Variants in HAPLN2 observed in about 807,000 individuals in gnomAD.
HAPLN2 encodes hyaluronan and proteoglycan link protein 2.
A neutral mutation model predicts 29.3 loss-of-function variants in HAPLN2; 27 were observed. That is an observed-to-expected ratio of 0.92 (90% CI 0.68 to 1.27). The LOEUF (loss-of-function observed/expected upper bound fraction) is 1.27. Ranked by LOEUF, HAPLN2 falls within the 50% of genes most tolerant of loss-of-function variation. HAPLN2 has a pLI of 0.00. For missense variants in HAPLN2, 454 were observed against 484.3 expected (o/e 0.94, Z 0.59); for synonymous variants, 208 against 211.7 (o/e 0.98, Z 0.15).
intron 2 of HAPLN2, among the ~76,000 whole-genome samples, chr1:156,621,138 T>A (rs1013998590): frequency 7.1e-6 from 1 of 140,618 alleles, no homozygotes; most frequent in Non-Finnish European, 1.5e-5. Context: ...AAGGTCTTGC[T>A]CTATCCCCTA....
rs752953926 is a variant in HAPLN2, at chr1:156,624,007, C to A, written c.286C>A (p.Pro96Thr). The A allele has an allele frequency of 3.7e-6, 6 of 1,610,022 alleles. No homozygotes were observed. The highest frequency in any genetic ancestry group is 5.1e-6 in the Non-Finnish European group (6 of 1,178,332). The change falls in exon 4 of 7, where the codon CCC becomes ACC. Residue 96 changes from proline (P) to threonine (T), a missense_variant. Pro to Thr is a conservative substitution (Grantham distance 38). This residue lies in a region of HAPLN2 where 204 missense variants were observed against 209.2 expected (regional missense o/e 0.98). Transcript: ENST00000255039. ...CGGACTGCACGCCCGGGGGTATGGG[C>A]CCCTGGGAGGGCGCGCCAGGATGCG... is the stretch of plus-strand genomic sequence containing the variant. Reference protein sequence around the residue: ...TNGLHARGYGPLGGRARMRRG... With the variant: ...TNGLHARGYGTLGGRARMRRG...
Position 156,623,792 on chromosome 1 carries a change from G to A in HAPLN2, c.86-15G>A, listed in dbSNP as rs1251515928. The A allele has an allele frequency of 2.0e-6, 3 of 1,484,768 alleles. No individual in the cohort carries two copies. The highest frequency in any genetic ancestry group is 2.8e-5 in the South Asian group (2 of 71,952). 92.0% of individuals were successfully genotyped at this position (1,484,768 alleles called of 1,614,324 possible). A position where few individuals can be genotyped will look rare whatever the true frequency, so the allele number is the denominator to read the frequency against. On this transcript the variant is annotated splice_polypyrimidine_tract_variant and intron_variant, in intron 3 of 6. Transcript: ENST00000255039. ...AGGATTGGGGGTTCCTGCCACTGTG[G>A]CCCCCTCTGCCCAGCATCCCACCCG...
the HAPLN2 span, among the ~76,000 whole-genome samples, chr1:156,603,323 G>T: frequency 6.6e-6 from 1 of 151,406 alleles, no homozygotes; most frequent in Admixed American, 6.6e-5. Flanking sequence ...CTGGGAGTAC[G>T]GGTGCATGCC....
the HAPLN2 span, among the ~76,000 whole-genome samples, chr1:156,603,921 C>A: frequency 6.6e-6 from 1 of 152,180 alleles, no homozygotes; most frequent in Non-Finnish European, 1.5e-5. Flanking sequence ...AGATGAGAAG[C>A]ATCTGACCCA....
Position 156,624,591 on chromosome 1 carries a change from C to A in HAPLN2, c.557-10C>A. 6.2e-7 allele frequency: 1 copy of A among 1,611,206 alleles called. No individual in the cohort carries two copies. Among genetic ancestry groups the A allele is most frequent in the South Asian group, 1.1e-5 (1 of 90,606 alleles). ...GCCTCTTATCCCCGACCTCCGCCGT[C>A]TCCCGCCAGCTTGGACCGAGGGTCT... On this transcript the variant is annotated splice_polypyrimidine_tract_variant and intron_variant, in intron 5 of 6. Transcript: ENST00000255039.
chr1:156,623,033 C>CAAAAA lies in HAPLN2; in HGVS notation c.-24-431_-24-427dup, dbSNP rs1207919606. Among the ~76,000 whole-genome samples the CAAAAA allele has an allele frequency of 1.0e-2, 440 of 44,136 alleles. 27 individuals carry two copies. Among genetic ancestry groups the CAAAAA allele is most frequent in the African/African-American group, 0.027 (400 of 14,734 alleles). The allele number at this position is 44,136 out of a possible 152,430, so 29.0% of individuals were successfully genotyped here. A position where few individuals can be genotyped will look rare whatever the true frequency, so the allele number is the denominator to read the frequency against. ...TGGACCATGGAGCAACACTCTGTCTCAAAAAAATAAATAAATAAATAAATA... is the reference window on the plus strand; with the variant it reads ...TGGACCATGGAGCAACACTCTGTCTCAAAAAAAAAAAATAAATAAATAAATAAATA... On this transcript the variant is annotated intron_variant, in intron 2 of 6. Coordinates refer to ENST00000255039, the MANE Select transcript of HAPLN2 (RefSeq NM_021817.3).
upstream of HAPLN2, among the ~76,000 whole-genome samples, chr1:156,616,193 CCA>C (rs2102518313): frequency 6.6e-6 from 1 of 152,224 alleles, no homozygotes; most frequent in East Asian, 1.9e-4. Context: ...AATCACTCCA[CCA>C]CACTCTGGTC....
Position 156,623,816 on chromosome 1 carries a change from C to T in HAPLN2, c.95C>T (p.Pro32Leu), listed in dbSNP as rs1678337844. ...GGCCCCCTCTGCCCAGCATCCCACC[C>T]GGGCCCCCACTACCTCCTGCCCCCC... is the stretch of plus-strand genomic sequence containing the variant. ...HKAQGDPASHPGPHYLLPPIH... is the reference protein window; with the variant it reads ...HKAQGDPASHLGPHYLLPPIH... The change falls in exon 4 of 7, where the codon CCG becomes CTG. Residue 32 changes from proline (P) to leucine (L), a missense_variant. Physicochemically the swap from Pro to Leu is moderately conservative, Grantham distance 98 (BLOSUM62 -3). This residue lies in a region of HAPLN2 where 204 missense variants were observed against 209.2 expected (regional missense o/e 0.98). Coordinates refer to ENST00000255039, the MANE Select transcript of HAPLN2 (RefSeq NM_021817.3). The T allele has an allele frequency of 3.3e-6, 5 of 1,517,864 alleles. No homozygotes were observed. Among genetic ancestry groups the T allele is most frequent in the Middle Eastern group, 1.8e-4 (1 of 5,570 alleles). 94.0% of individuals were successfully genotyped at this position (1,517,864 alleles called of 1,614,324 possible). A position where few individuals can be genotyped will look rare whatever the true frequency, so the allele number is the denominator to read the frequency against.
At chr1:156,606,220 C>T in the HAPLN2 span, among the ~76,000 whole-genome samples, 19 of 151,724 alleles carry the variant, frequency 1.3e-4, no homozygotes, top group East Asian at 2.3e-3. Context: ...GCCAAGACTG[C>T]GCCACTTCAC....
chr1:156,610,701 G>C, the HAPLN2 span, among the ~76,000 whole-genome samples: 1 of 151,798 alleles, frequency 6.6e-6, no homozygotes, highest in Non-Finnish European at 1.5e-5. Flanking sequence ...CATGATCTCA[G>C]GTTAGAATAT....
At chr1:156,607,818 T>C in the HAPLN2 span, among the ~76,000 whole-genome samples, 4 of 152,152 alleles carry the variant, frequency 2.6e-5, no homozygotes, top group African/African-American at 9.7e-5. Flanking sequence ...CAGTAAACCC[T>C]GAGACTGAGG....
chr1:156,624,545 A>G, intron 5 of HAPLN2, 56 bp from the exon 6 acceptor site: 2 of 1,602,214 alleles, frequency 1.2e-6, no homozygotes, highest in Non-Finnish European at 1.7e-6. Context: ...AGGCGAGCTC[A>G]GTCTGGCTCC....
chr1:156,607,791 C>T, the HAPLN2 span, among the ~76,000 whole-genome samples: 1 of 152,124 alleles, frequency 6.6e-6, no homozygotes, highest in Non-Finnish European at 1.5e-5. Flanking sequence ...CCACTTCTTC[C>T]CAGTTATTTT....
chr1:156,605,826 C>G, the HAPLN2 span, among the ~76,000 whole-genome samples: 2 of 151,978 alleles, frequency 1.3e-5, no homozygotes, highest in African/African-American at 4.8e-5. Flanking sequence ...AGTGCCAAAA[C>G]AGTTCAATGG....
At position 156,624,364 on chromosome 1, in the gene HAPLN2, G is replaced by A. The variant is rs1239048518; in HGVS notation, c.453G>A (p.Pro151=). 13 of 1,604,154 alleles carry A rather than the reference G, an allele frequency of 8.1e-6. No individual in the cohort carries two copies. The highest frequency in any genetic ancestry group is 1.1e-5 in the Non-Finnish European group (13 of 1,175,686). ...GCCACCCCCTAGGTGTGGTGTTTCC[G>A]TACCAACCCAGCCGGGGCCGGTACC... ...LTLSLEGVVF[P]YQPSRGRYQF... is the part of the protein sequence containing the mutation. The change falls in exon 5 of 7, where the codon CCG becomes CCA. Residue 151 remains proline, a synonymous_variant. Transcript: ENST00000255039.
At chr1:156,624,912 C>CCCCCCCCCCCCCCCG in intron 6 of HAPLN2, 129 bp downstream of exon 6, 3 of 506,904 alleles carry the variant, frequency 5.9e-6, no homozygotes, top group Non-Finnish European at 9.2e-6. Context: ...CCCATCAGCC[C>CCCCCCCCCCCCCCCG]GCCCGCCCGC....
chr1:156,610,816 C>T, the HAPLN2 span, among the ~76,000 whole-genome samples: 1 of 151,444 alleles, frequency 6.6e-6, no homozygotes, highest in Non-Finnish European at 1.5e-5. Context: ...TTCCTGGGGG[C>T]GGTGAGAAGA....
chr1:156,610,025 C>T, the HAPLN2 span, among the ~76,000 whole-genome samples: 1 of 151,448 alleles, frequency 6.6e-6, no homozygotes, highest in Admixed American at 6.6e-5. Flanking sequence ...ACCGTCTTGA[C>T]CAACATGGTG....
chr1:156,624,815 G>T, intron 6 of HAPLN2, 32 bp downstream of exon 6: 1 of 1,462,524 alleles, frequency 6.8e-7, no homozygotes, highest in Non-Finnish European at 9.0e-7. Context: ...GGGTCTTGGG[G>T]AGGGGTCTGA....
Sources: allele counts gnomAD v4.1 joint callset (sites outside exome capture counted in the v4.1 genomes callset), GRCh38; gene constraint gnomAD v4.1.1; regional missense constraint gnomAD v4.1.1; transcripts MANE v1.5; gene names NCBI Gene and HGNC (gene_info 2026-07-23, HGNC 2026-07-21).